The following CADM2 variants were observed in gnomAD, a reference collection of about 807,000 sequenced individuals.
CADM2 encodes the protein cell adhesion molecule 2, also known as immunoglobulin superfamily member 4D.
CADM2 carries 12 observed loss-of-function variants against 49.8 expected under a neutral mutation model. The ratio of observed to expected loss-of-function variants is 0.24; its 90% CI spans 0.15 to 0.39. The LOEUF is 0.39. CADM2 is among the 10% of genes least tolerant of loss of function. The pLI is 1.00. For missense variants in CADM2, 378 were observed against 492.3 expected (o/e 0.77, Z 2.20); for synonymous variants, 214 against 175.4 (o/e 1.22, Z -1.74).
chr3:85,378,762 T>C (rs1427828826), intron 1 of CADM2, among the ~76,000 whole-genome samples: 1 of 151,816 alleles, frequency 6.6e-6, no homozygotes, highest in African/African-American at 2.4e-5. Context: ...AAAGACTACA[T>C]ATTTGGTACA....
chr3:85,076,073 A>T (rs2036930199), intron 1 of CADM2, among the ~76,000 whole-genome samples: 1 of 152,132 alleles, frequency 6.6e-6, no homozygotes, highest in Non-Finnish European at 1.5e-5. Flanking sequence ...TCAAAAAAAA[A>T]AAAAGGTAGT....
intron 1 of CADM2, among the ~76,000 whole-genome samples, chr3:85,282,788 A>G (rs1478518294): frequency 6.6e-6 from 1 of 152,096 alleles, no homozygotes; most frequent in Admixed American, 6.6e-5. Context: ...AATATATAAG[A>G]TATTGGCTAT....
chr3:85,294,558 C>A (rs1178661656), intron 1 of CADM2, among the ~76,000 whole-genome samples: 15 of 151,980 alleles, frequency 9.9e-5, no homozygotes, highest in South Asian at 6.2e-4. Context: ...GGCTACAGTA[C>A]CCAAAACAGC....
intron 1 of CADM2, among the ~76,000 whole-genome samples, chr3:84,989,922 A>C (rs1303632035): frequency 6.6e-6 from 1 of 151,968 alleles, no homozygotes; most frequent in Non-Finnish European, 1.5e-5. Flanking sequence ...CTGCAGTAAA[A>C]GAAAAAAGTT....
chr3:84,967,935 C>T (rs2031130188), intron 1 of CADM2, among the ~76,000 whole-genome samples: 2 of 151,986 alleles, frequency 1.3e-5, no homozygotes, highest in Non-Finnish European at 2.9e-5. Flanking sequence ...GCCAGCCAAA[C>T]ACACAGAGAA....
intron 1 of CADM2, among the ~76,000 whole-genome samples, chr3:85,170,169 C>T (rs973055525): frequency 2.6e-5 from 4 of 152,062 alleles, no homozygotes; most frequent in African/African-American, 4.8e-5. Flanking sequence ...GGCATCTATT[C>T]GACATCTCCA....
chr3:85,932,381 A>G (rs374691243), intron 6 of CADM2, among the ~76,000 whole-genome samples: 3 of 152,220 alleles, frequency 2.0e-5, no homozygotes, highest in East Asian at 1.9e-4. Context: ...GGTGTTGCAC[A>G]TAAATAAGCT....
chr3:85,664,214 A>G (rs1264483712), intron 1 of CADM2, among the ~76,000 whole-genome samples: 1 of 151,854 alleles, frequency 6.6e-6, no homozygotes, highest in Admixed American at 6.6e-5. Context: ...ATGCTTTTAA[A>G]TATCTCCCAT....
intron 1 of CADM2, among the ~76,000 whole-genome samples, chr3:85,597,617 C>T (rs1040131282): frequency 2.0e-5 from 3 of 152,020 alleles, no homozygotes; most frequent in Non-Finnish European, 4.4e-5. Context: ...TTAGTTTCAA[C>T]TCCTGAAATG....
chr3:85,991,473 AAC>A (rs1476955165), intron 8 of CADM2, among the ~76,000 whole-genome samples: 1 of 152,174 alleles, frequency 6.6e-6, no homozygotes, highest in Non-Finnish European at 1.5e-5. Flanking sequence ...ATAAATAAAA[AAC>A]AATTTTTAAA....
chr3:85,026,125 A>C (rs2034717323), intron 1 of CADM2, among the ~76,000 whole-genome samples: 1 of 152,160 alleles, frequency 6.6e-6, no homozygotes, highest in Admixed American at 6.6e-5. Context: ...TTTTACAGTA[A>C]ATATTTTCTT....
chr3:85,282,281 T>TC (rs1491453817), intron 1 of CADM2, among the ~76,000 whole-genome samples: 1 of 148,050 alleles, frequency 6.8e-6, no homozygotes, highest in Non-Finnish European at 1.5e-5. Flanking sequence ...TTTTTTTTTT[T>TC]CGGACAGTCT....
At chr3:85,292,823 C>T (rs1393357965) in intron 1 of CADM2, among the ~76,000 whole-genome samples, 1 of 152,004 alleles carries the variant, frequency 6.6e-6, no homozygotes, top group Non-Finnish European at 1.5e-5. Flanking sequence ...AGTAAATGCC[C>T]ACAAGAGAAA....
chr3:85,286,429 G>A (rs2043634951), intron 1 of CADM2, among the ~76,000 whole-genome samples: 1 of 152,132 alleles, frequency 6.6e-6, no homozygotes, highest in Admixed American at 6.6e-5. Flanking sequence ...ATACAGGATT[G>A]CCAGGACTAC....
chr3:85,550,402 A>G (rs534845026), intron 1 of CADM2, among the ~76,000 whole-genome samples: 6 of 152,298 alleles, frequency 3.9e-5, no homozygotes, highest in Admixed American at 2.6e-4. Flanking sequence ...GGTCCCCACA[A>G]CAGCAGAATG....
intron 1 of CADM2, among the ~76,000 whole-genome samples, chr3:85,193,420 C>T (rs1031597112): frequency 6.6e-6 from 1 of 151,968 alleles, no homozygotes; most frequent in African/African-American, 2.4e-5. Flanking sequence ...TCATGGATAA[C>T]TCATAATTTT....
chr3:85,102,195 T>G (rs1351704640), intron 1 of CADM2, among the ~76,000 whole-genome samples: 1 of 152,214 alleles, frequency 6.6e-6, no homozygotes, highest in Non-Finnish European at 1.5e-5. Flanking sequence ...GGGTCCCCTC[T>G]TTACCTCCTT....
chr3:85,617,997 G>GT (rs1258147765), intron 1 of CADM2, among the ~76,000 whole-genome samples: 1 of 152,162 alleles, frequency 6.6e-6, no homozygotes, highest in Non-Finnish European at 1.5e-5. Flanking sequence ...ATTGTGCAAA[G>GT]TTGCTTCACT....
rs1207674355 is a variant in CADM2 at position 85,541,772 on chromosome 3, ATT to A, written c.62-184747_62-184746del. ...TATATATTTTATATATATATTTTATATTTTATATATATATATATATATGTATA... is the reference window on the plus strand; with the variant it reads ...TATATATTTTATATATATATTTTATATTATATATATATATATATATGTATA... On this transcript the variant is annotated intron_variant, in intron 1 of 9. Coordinates refer to ENST00000383699, the MANE Select transcript of CADM2 (RefSeq NM_001167675.2). Among the ~76,000 whole-genome samples, 32 of 7,430 alleles carry A rather than the reference ATT, an allele frequency of 4.3e-3. 2 individuals carry two copies. The highest frequency in any genetic ancestry group is 5.3e-3 in the African/African-American group (27 of 5,116). The allele number at this position is 7,430 out of a possible 152,430, so 4.9% of individuals were successfully genotyped here. A position where few individuals can be genotyped will look rare whatever the true frequency, so the allele number is the denominator to read the frequency against.
Sources: allele counts gnomAD v4.1 joint callset (sites outside exome capture counted in the v4.1 genomes callset), GRCh38; gene constraint gnomAD v4.1.1; transcripts MANE v1.5; gene names NCBI Gene and HGNC (gene_info 2026-07-23, HGNC 2026-07-21).